AGAP1: variants seen among roughly 807,000 people sequenced by gnomAD.
AGAP1 encodes arf-GAP with GTPase, ANK repeat and PH domain-containing protein 1.
In AGAP1, 29 loss-of-function variants were observed where a neutral mutation model predicts 105.3. That is an observed-to-expected ratio of 0.28 (90% CI 0.21 to 0.38). AGAP1 has a LOEUF of 0.38. Ranked by LOEUF, AGAP1 falls within the 10% of genes least tolerant of loss-of-function variation. The pLI is 1.00. For synonymous variants in AGAP1, 509 were observed against 485.9 expected, an observed-to-expected ratio of 1.05 and a Z score of -0.63; for missense variants, 998 against 1,165.1, an observed-to-expected ratio of 0.86 and a Z score of 2.09.
intron 1 of AGAP1, among the ~76,000 whole-genome samples, chr2:235,500,053 C>A (rs1941497468): frequency 6.6e-6 from 1 of 152,006 alleles, no homozygotes; most frequent in South Asian, 2.1e-4. Flanking sequence ...TTGGTGGGAA[C>A]TCAGTGTCAT....
At chr2:235,748,128 G>C (rs928486432) in intron 5 of AGAP1, among the ~76,000 whole-genome samples, 4 of 152,228 alleles carry the variant, frequency 2.6e-5, no homozygotes, top group Non-Finnish European at 5.9e-5. Context: ...AAAAGCTACG[G>C]AGTTAAAAGT....
rs1953537823 is a variant in AGAP1, at chr2:235,752,579, C to T, written c.673+2091C>T. 1.3e-5 allele frequency among the ~76,000 whole-genome samples: 2 copies of T among 152,106 alleles called. No individual in the cohort carries two copies. Among genetic ancestry groups the T allele is most frequent in the African/African-American group, 4.8e-5 (2 of 41,406 alleles). ...GTGACAGCAGAGATGAGGGTCTTTG[C>T]GGCCTGAGAAGCCCAGAATATTCAC... On this transcript the variant is annotated intron_variant, in intron 6 of 17. Coordinates refer to ENST00000304032, the MANE Select transcript of AGAP1 (RefSeq NM_001037131.3). This position sits in a 1 kb window ranked among gnomAD's most constrained non-coding sequence, Gnocchi z 4.3.
intron 1 of AGAP1, among the ~76,000 whole-genome samples, chr2:235,702,170 C>T (rs56037650): frequency 2.2e-4 from 33 of 152,154 alleles, no homozygotes; most frequent in Admixed American, 1.1e-3. Context: ...GAACGTGACA[C>T]GGGAGACCAT....
intron 13 of AGAP1, among the ~76,000 whole-genome samples, chr2:235,984,628 G>A (rs372995212): frequency 3.9e-5 from 6 of 152,102 alleles, no homozygotes; most frequent in African/African-American, 1.4e-4. Context: ...ACAGGCCCTG[G>A]TGTGTATTGT....
At position 235,982,974 on chromosome 2, in the gene AGAP1, T is replaced by C. The variant is rs1374229618; in HGVS notation, c.1645+14351T>C. Among the ~76,000 whole-genome samples, 1 of 152,180 alleles carries C rather than the reference T, an allele frequency of 6.6e-6. No individual in the cohort carries two copies. The highest frequency in any genetic ancestry group is 1.5e-5 in the Non-Finnish European group (1 of 68,030). ...ATCCAGTTCTTATTTTAATTTTTTT[T>C]CCCAACCCCTAAAAAGCATTTGCAA... is the stretch of plus-strand genomic sequence containing the variant. On this transcript the variant is annotated intron_variant, in intron 13 of 17. Coordinates refer to ENST00000304032, the MANE Select transcript of AGAP1 (RefSeq NM_001037131.3). The surrounding 1 kb of genome is among the most constrained non-coding windows in gnomAD (Gnocchi z 4.9).
chr2:235,513,541 A>G (rs1942244446), intron 1 of AGAP1, among the ~76,000 whole-genome samples: 1 of 151,520 alleles, frequency 6.6e-6, no homozygotes, highest in Non-Finnish European at 1.5e-5. Context: ...AAAAAAAAAA[A>G]AAAAAAGAAA....
chr2:235,784,346 G>A (rs553717392), intron 6 of AGAP1, among the ~76,000 whole-genome samples: 34 of 152,122 alleles, frequency 2.2e-4, no homozygotes, highest in African/African-American at 7.2e-4. Context: ...TAGAAACTGC[G>A]GTAACAGAAA....
intron 12 of AGAP1, among the ~76,000 whole-genome samples, chr2:235,956,418 C>T (rs926823645): frequency 6.6e-6 from 1 of 152,196 alleles, no homozygotes; most frequent in African/African-American, 2.4e-5. Context: ...CCACGGCTTC[C>T]CCAGGCTTTC....
rs2059578583 is a variant in AGAP1, at chr2:236,109,020, G to A, written c.2115-11172G>A. ...TCCCTGCCAGGACCAAAACACAGCT[G>A]ATGGTGGCTGTGTGAGACCTCATCT... On this transcript the variant is annotated intron_variant, in intron 16 of 17. Transcript: ENST00000304032. The surrounding 1 kb of genome is among the most constrained non-coding windows in gnomAD (Gnocchi z 5.4). Among the ~76,000 whole-genome samples the A allele has an allele frequency of 6.6e-6, 1 of 152,242 alleles. No homozygotes were observed. Among genetic ancestry groups the A allele is most frequent in the Non-Finnish European group, 1.5e-5 (1 of 68,042 alleles).
Position 236,120,431 on chromosome 2 carries a change from C to T in AGAP1, c.2354C>T (p.Ala785Val), listed in dbSNP as rs766225211. ...TGCCGCAAGGGGAATGTGGTCCTGGCGCAGCTCCTGATCTGGGTAGGTGGT... is the reference window on the plus strand; with the variant it reads ...TGCCGCAAGGGGAATGTGGTCCTGGTGCAGCTCCTGATCTGGGTAGGTGGT... ...LACRKGNVVL[A>V]QLLIWYGVDV... is the part of the protein sequence containing the mutation. The change falls in exon 17 of 18, where the codon GCG becomes GTG. Residue 785 changes from alanine to valine, a missense_variant. By Grantham distance (64) the Ala-to-Val change is moderately conservative. Transcript: ENST00000304032. This position sits in a 1 kb window ranked among gnomAD's most constrained non-coding sequence, Gnocchi z 6.0. 24 of 1,611,256 alleles carry T rather than the reference C, an allele frequency of 1.5e-5. No homozygotes were observed. Among genetic ancestry groups the T allele is most frequent in the Admixed American group, 1.3e-4 (8 of 59,990 alleles).
At chr2:235,918,461 G>A (rs1413986296) in intron 11 of AGAP1, among the ~76,000 whole-genome samples, 2 of 152,182 alleles carry the variant, frequency 1.3e-5, no homozygotes, top group Non-Finnish European at 2.9e-5. Context: ...GGACACTAAA[G>A]TTCATCTTAG....
chr2:235,961,082 CT>C lies in AGAP1; in HGVS notation c.1484-7379del, dbSNP rs2125312219. On this transcript the variant is annotated intron_variant, in intron 12 of 17. Coordinates refer to ENST00000304032, the MANE Select transcript of AGAP1 (RefSeq NM_001037131.3). The surrounding 1 kb of genome is among the most constrained non-coding windows in gnomAD (Gnocchi z 5.9). ...GAATCTGTTTCAGGAAGGATGTGTG[CT>C]GGTGAAGAGGATGAGCGAAGGCCTG... Among the ~76,000 whole-genome samples the C allele has an allele frequency of 6.6e-6, 1 of 152,026 alleles. No homozygotes were observed. Among genetic ancestry groups the C allele is most frequent in the South Asian group, 2.1e-4 (1 of 4,808 alleles).
At position 236,042,872 on chromosome 2, in the gene AGAP1, G is replaced by T. The variant is rs551448858; in HGVS notation, c.1891+2031G>T. Among the ~76,000 whole-genome samples the T allele has an allele frequency of 3.7e-4, 56 of 152,354 alleles. No individual in the cohort carries two copies. The highest frequency in any genetic ancestry group is 3.4e-3 in the Admixed American group (52 of 15,302). ...CGCATTTGCTAAATGTGTGGTCTGTGTCAGCCCGGTGCCAAACCCTCCCAT... is the reference window on the plus strand; with the variant it reads ...CGCATTTGCTAAATGTGTGGTCTGTTTCAGCCCGGTGCCAAACCCTCCCAT... On this transcript the variant is annotated intron_variant, in intron 15 of 17. Transcript: ENST00000304032. This position sits in a 1 kb window ranked among gnomAD's most constrained non-coding sequence, Gnocchi z 5.6.
At chr2:235,650,542 G>T (rs1947547721) in intron 1 of AGAP1, among the ~76,000 whole-genome samples, 1 of 152,074 alleles carries the variant, frequency 6.6e-6, no homozygotes. Context: ...ATATGGCAAA[G>T]AAGTAAACAT....
chr2:235,653,319 C>G (rs976013895), intron 1 of AGAP1, among the ~76,000 whole-genome samples: 1 of 151,650 alleles, frequency 6.6e-6, no homozygotes, highest in Non-Finnish European at 1.5e-5. Context: ...AAAAAATTAG[C>G]CTGGTGTGGT....
chr2:235,873,131 G>C (rs1414850786), intron 9 of AGAP1, among the ~76,000 whole-genome samples: 3 of 152,246 alleles, frequency 2.0e-5, no homozygotes, highest in African/African-American at 7.2e-5. Flanking sequence ...TGGGGATCAT[G>C]CAAAACATTT....
Position 235,853,208 on chromosome 2 carries a change from T to C in AGAP1, c.1051-30137T>C, listed in dbSNP as rs571317832. The C allele has an allele frequency of 1.8e-4, 184 of 1,037,894 alleles. 3 individuals are homozygous for C. The South Asian group carries it at 7.3e-3, about 41-fold the overall frequency. 64.3% of individuals were successfully genotyped at this position (1,037,894 alleles called of 1,614,324 possible). The stretch of plus-strand genomic sequence containing the variant: ...ACATTAAAATCCAAGATTGAGCGGA[T>C]CTGTCTTGACTGCGTTTTATAGACT... On this transcript the variant is annotated intron_variant, in intron 9 of 17. Coordinates refer to ENST00000304032, the MANE Select transcript of AGAP1 (RefSeq NM_001037131.3).
At position 235,494,586 on chromosome 2, in the gene AGAP1, T is replaced by TCCCCGGGGGCTGCGGCG. The variant is rs1236783231; in HGVS notation, c.-93_-77dup. Reference sequence around the variant, plus strand: ...TCCGCCCGCCGCCGGCGGGCCCGGCTCCCCGGGGGCTGCGGCGCCCCGGGC... The same window carrying TCCCCGGGGGCTGCGGCG: ...TCCGCCCGCCGCCGGCGGGCCCGGCTCCCCGGGGGCTGCGGCGCCCCGGGGGCTGCGGCGCCCCGGGC... On this transcript the variant is annotated 5_prime_UTR_variant, in exon 1 of 18. Transcript: ENST00000304032. The TCCCCGGGGGCTGCGGCG allele has an allele frequency of 3.3e-5, 11 of 337,500 alleles. No individual in the cohort carries two copies. Among genetic ancestry groups the TCCCCGGGGGCTGCGGCG allele is most frequent in the Non-Finnish European group, 4.5e-5 (11 of 246,396 alleles). The allele number at this position is 337,500 out of a possible 1,614,324, so 20.9% of individuals were successfully genotyped here.
chr2:235,612,912 G>A lies in AGAP1; in HGVS notation c.164-96267G>A, dbSNP rs1431327628. Among the ~76,000 whole-genome samples, 3 of 152,196 alleles carry A rather than the reference G, an allele frequency of 2.0e-5. No individual in the cohort carries two copies. Among genetic ancestry groups the A allele is most frequent in the Non-Finnish European group, 4.4e-5 (3 of 68,048 alleles). On this transcript the variant is annotated intron_variant, in intron 1 of 17. Transcript: ENST00000304032. The surrounding 1 kb of genome is among the most constrained non-coding windows in gnomAD (Gnocchi z 4.3). ...TGGCCTTTTATCTCTCCAATGTGAG[G>A]CATCTCTGATGATGCCTAAGGATGT...
Sources: gnomAD v4.1 joint callset for allele counts (sites outside exome capture counted in the v4.1 genomes callset) on GRCh38, gnomAD v4.1.1 for gene constraint, Gnocchi (gnomAD v3.1) non-coding constraint, MANE v1.5 for transcripts, NCBI Gene and HGNC (gene_info 2026-07-23, HGNC 2026-07-21) for gene names.